Variants in LRP1B observed in about 807,000 individuals in gnomAD.
The protein encoded by LRP1B is low-density lipoprotein receptor-related protein 1B.
Under a neutral mutation model 556.6 loss-of-function variants are expected in LRP1B, and 217 were observed. The observed-to-expected ratio is 0.39, with a 90% CI of 0.35 to 0.44. The LOEUF (loss-of-function observed/expected upper bound fraction) is 0.44. Among genes scored for constraint, LRP1B ranks in the 20% least tolerant of loss-of-function variants. LRP1B has a pLI of 1.00. For missense variants in LRP1B, 5,053 were observed against 5,620.8 expected, an observed-to-expected ratio of 0.90 and a Z score of 3.23; for synonymous variants, 2,047 against 1,865.8, an observed-to-expected ratio of 1.10 and a Z score of -2.50.
intron 3 of LRP1B, among the ~76,000 whole-genome samples, chr2:141,414,083 A>G (rs1370423466): frequency 6.6e-6 from 1 of 151,560 alleles, no homozygotes; most frequent in Non-Finnish European, 1.5e-5. Context: ...TAAAAATACA[A>G]AAAATTAGCC....
intron 20 of LRP1B, among the ~76,000 whole-genome samples, chr2:140,934,770 C>T (rs1400326943): frequency 1.3e-5 from 2 of 152,242 alleles, no homozygotes; most frequent in Admixed American, 6.5e-5. Flanking sequence ...CTCTCTCCAT[C>T]GTTACAAGTC....
chr2:141,893,655 G>A (rs1699356280), intron 1 of LRP1B, among the ~76,000 whole-genome samples: 1 of 152,166 alleles, frequency 6.6e-6, no homozygotes, highest in African/African-American at 2.4e-5. Flanking sequence ...GTAAGCCATG[G>A]AGTATTCACT....
intron 40 of LRP1B, 112 bp from the exon 41 acceptor site, chr2:140,700,733 T>G: frequency 1.8e-6 from 2 of 1,124,534 alleles, no homozygotes; most frequent in African/African-American, 3.2e-5. Flanking sequence ...ATTCTCTTTT[T>G]GCTCTTAATT....
chr2:141,623,867 T>G (rs1688597712), intron 2 of LRP1B, among the ~76,000 whole-genome samples: 1 of 151,226 alleles, frequency 6.6e-6, no homozygotes, highest in Non-Finnish European at 1.5e-5. Context: ...ATACAAAAAT[T>G]AGCCGGGCAC....
chr2:141,808,309 A>G (rs1385115429), intron 2 of LRP1B, among the ~76,000 whole-genome samples: 1 of 152,020 alleles, frequency 6.6e-6, no homozygotes, highest in African/African-American at 2.4e-5. Flanking sequence ...ATCAGGGCAG[A>G]ATGCAAGACC....
chr2:140,592,822 C>G (rs202088325), intron 43 of LRP1B, among the ~76,000 whole-genome samples: 1 of 151,970 alleles, frequency 6.6e-6, no homozygotes, highest in East Asian at 1.9e-4. Context: ...GGCTTGTAGT[C>G]CCAACTACTT....
intron 20 of LRP1B, among the ~76,000 whole-genome samples, chr2:140,942,042 C>G (rs1179568561): frequency 5.3e-5 from 8 of 151,994 alleles, no homozygotes; most frequent in African/African-American, 2.4e-5. Flanking sequence ...TCCAGTGAAA[C>G]AAGAATAATG....
chr2:141,944,868 T>C (rs1261545264), intron 1 of LRP1B, among the ~76,000 whole-genome samples: 4 of 152,210 alleles, frequency 2.6e-5, no homozygotes, highest in African/African-American at 7.2e-5. Flanking sequence ...TATGTGTATA[T>C]ACCTTATTTA....
chr2:141,663,585 C>A (rs955894047), intron 2 of LRP1B, among the ~76,000 whole-genome samples: 8 of 152,078 alleles, frequency 5.3e-5, no homozygotes, highest in African/African-American at 1.9e-4. Flanking sequence ...ACTAGAAAAT[C>A]TAGAAGAAAT....
intron 1 of LRP1B, among the ~76,000 whole-genome samples, chr2:141,978,736 A>G (rs1701959095): frequency 1.3e-5 from 2 of 152,022 alleles, no homozygotes; most frequent in Non-Finnish European, 2.9e-5. Flanking sequence ...ACCGATTAAA[A>G]AAACATCATC....
intron 3 of LRP1B, among the ~76,000 whole-genome samples, chr2:141,346,041 T>C (rs1160011657): frequency 6.6e-6 from 1 of 152,024 alleles, no homozygotes; most frequent in African/African-American, 2.4e-5. Context: ...AAAAGTAGCC[T>C]CTTTTTGTTT....
At chr2:141,346,304 T>C (rs190262349) in intron 3 of LRP1B, among the ~76,000 whole-genome samples, 210 of 152,178 alleles carry the variant, frequency 1.4e-3, no homozygotes, top group Non-Finnish European at 2.4e-3. Flanking sequence ...CGTTGGGTGT[T>C]GGTATGTGCC....
chr2:141,779,827 C>T (rs1695193679), intron 2 of LRP1B, among the ~76,000 whole-genome samples: 1 of 151,926 alleles, frequency 6.6e-6, no homozygotes, highest in South Asian at 2.1e-4. Flanking sequence ...ACCCAGATGT[C>T]TCTGATTCCA....
chr2:141,147,415 G>A (rs747620715), intron 7 of LRP1B, among the ~76,000 whole-genome samples: 38 of 152,166 alleles, frequency 2.5e-4, no homozygotes, highest in Admixed American at 6.5e-5. Flanking sequence ...CAACAATAGA[G>A]TTGTAGGAAA....
chr2:141,196,989 A>G (rs1249106358), intron 6 of LRP1B, among the ~76,000 whole-genome samples: 1 of 152,144 alleles, frequency 6.6e-6, no homozygotes, highest in Non-Finnish European at 1.5e-5. Flanking sequence ...ATGGATTTAT[A>G]AATGGGAGTT....
chr2:141,449,983 C>G lies in LRP1B; in HGVS notation c.343+30413G>C, dbSNP rs77248152. 9.0e-3 allele frequency among the ~76,000 whole-genome samples: 1,365 copies of G among 152,230 alleles called. 19 individuals carry two copies. Among genetic ancestry groups the G allele is most frequent in the African/African-American group, 0.031 (1,289 of 41,532 alleles). On this transcript the variant is annotated intron_variant, in intron 3 of 90. Coordinates refer to ENST00000389484, the MANE Select transcript of LRP1B (RefSeq NM_018557.3). ...ATATCTCTAGACATTGTCAAATGTTCTTTGAGTTGCAAAGTCACTCCCAGT... is the reference window on the plus strand; with the variant it reads ...ATATCTCTAGACATTGTCAAATGTTGTTTGAGTTGCAAAGTCACTCCCAGT...
At position 140,526,226 on chromosome 2, in the gene LRP1B, G is replaced by T; in HGVS notation, c.7876+11C>A. ...AAGCATAAACAGACAAAAGGTAGTG[G>T]AATATCTTACTGCAGTTCTTTTCAT... On this transcript the variant is annotated intron_variant, in intron 48 of 90. Transcript: ENST00000389484. 1.9e-6 allele frequency: 3 copies of T among 1,603,738 alleles called. No homozygotes were observed. The highest frequency in any genetic ancestry group is 1.1e-5 in the South Asian group (1 of 90,808).
At chr2:141,046,274 G>A (rs1415339883) in intron 11 of LRP1B, among the ~76,000 whole-genome samples, 5 of 152,094 alleles carry the variant, frequency 3.3e-5, no homozygotes, top group Non-Finnish European at 1.5e-5. Context: ...TCCAAATCAT[G>A]TGTCAAACTA....
chr2:140,704,908 G>A (rs918809474), intron 37 of LRP1B, among the ~76,000 whole-genome samples: 1 of 152,034 alleles, frequency 6.6e-6, no homozygotes, highest in African/African-American at 2.4e-5. Context: ...TTTATAGGTT[G>A]GTACACAAAT....
Sources: allele counts gnomAD v4.1 joint callset (sites outside exome capture counted in the v4.1 genomes callset), GRCh38; gene constraint gnomAD v4.1.1; transcripts MANE v1.5; gene names NCBI Gene and HGNC (gene_info 2026-07-23, HGNC 2026-07-21).